BCL2L13: variants seen among roughly 807,000 people sequenced by gnomAD.
BCL2L13 encodes BCL2 like 13, also known as bcl-2-like protein 13.
Under a neutral mutation model 25.8 loss-of-function variants are expected in BCL2L13, and 13 were observed. That is an observed-to-expected ratio of 0.50 (90% CI 0.33 to 0.80). The LOEUF (loss-of-function observed/expected upper bound fraction) is 0.80. Among genes scored for constraint, BCL2L13 ranks in the 30% least tolerant of loss-of-function variants. The probability of loss-of-function intolerance (pLI) is 0.02; values close to 1 mark genes in which losing one functional copy is unlikely to be tolerated. For synonymous variants in BCL2L13, 244 were observed against 230.3 expected (o/e 1.06, Z -0.54); for missense variants, 504 against 574.9 (o/e 0.88, Z 1.26).
intron 2 of BCL2L13, among the ~76,000 whole-genome samples, chr22:17,678,882 T>C (rs1438251499): frequency 6.6e-6 from 1 of 152,222 alleles, no homozygotes; most frequent in East Asian, 1.9e-4. Flanking sequence ...CAGTTCATGC[T>C]GCTTTTTGTT....
intron 5 of BCL2L13, among the ~76,000 whole-genome samples, chr22:17,698,444 A>G (rs1444201809): frequency 1.3e-5 from 2 of 150,176 alleles, no homozygotes; most frequent in Non-Finnish European, 1.5e-5. Context: ...GGCTGGATGC[A>G]GTACAGTAGC....
rs541984743 is a variant in BCL2L13 at position 17,642,169 on chromosome 22, C to T, written c.-51+3283C>T. Among the ~76,000 whole-genome samples the T allele has an allele frequency of 4.0e-5, 5 of 126,030 alleles. No individual in the cohort carries two copies. The East Asian group carries it at 9.9e-4, about 25-fold the overall frequency. 82.7% of individuals were successfully genotyped at this position (126,030 alleles called of 152,430 possible). On this transcript the variant is annotated intron_variant, in intron 1 of 6. Coordinates refer to ENST00000317582, the MANE Select transcript of BCL2L13 (RefSeq NM_015367.4). ...TTTTTTTGAGACGGAGTCTCACTGT[C>T]GCCAGGCTGGAGTGCAGTGGCATGA...
chr22:17,643,181 G>A (rs528605470), intron 1 of BCL2L13, among the ~76,000 whole-genome samples: 1 of 152,238 alleles, frequency 6.6e-6, no homozygotes, highest in Admixed American at 6.5e-5. Context: ...TTGGAAAGGG[G>A]GTAGTGTCTA....
rs1478665965 is a variant in BCL2L13 at position 17,728,697 on chromosome 22, C to G, written c.*1163C>G. Reference sequence around the variant, plus strand: ...GAAATAGAGAGTGTCCTAAATATCACTGAAATAAAAAGTAGGAAAAAGAAG... The same window carrying G: ...GAAATAGAGAGTGTCCTAAATATCAGTGAAATAAAAAGTAGGAAAAAGAAG... On this transcript the variant is annotated 3_prime_UTR_variant, in exon 7 of 7. Transcript: ENST00000317582. 2.0e-5 allele frequency: 3 copies of G among 152,176 alleles called. No individual in the cohort carries two copies. Among genetic ancestry groups the G allele is most frequent in the Admixed American group, 2.0e-4 (3 of 15,284 alleles). 9.4% of individuals were successfully genotyped at this position (152,176 alleles called of 1,614,324 possible).
At chr22:17,695,253 T>C (rs1188886027) in intron 4 of BCL2L13, among the ~76,000 whole-genome samples, 9 of 152,214 alleles carry the variant, frequency 5.9e-5, no homozygotes, top group Admixed American at 3.3e-4. Flanking sequence ...CTGGAAAATA[T>C]ACTTTCCTGG....
At chr22:17,689,622 A>C (rs759036039) in intron 4 of BCL2L13, among the ~76,000 whole-genome samples, 2 of 152,072 alleles carry the variant, frequency 1.3e-5, no homozygotes, top group African/African-American at 2.4e-5. Flanking sequence ...AGGTGGGCGG[A>C]TTATGAGGTC....
chr22:17,631,668 G>GTATATATATATATA (rs869084263), intron 1 of BCL2L13, among the ~76,000 whole-genome samples: 2 of 21,864 alleles, frequency 9.1e-5, no homozygotes, highest in African/African-American at 2.8e-4. Flanking sequence ...ATGTGTGTGT[G>GTATATATATATATA]TGTATATATA....
intron 2 of BCL2L13, among the ~76,000 whole-genome samples, chr22:17,667,141 G>T (rs142502004): frequency 2.0e-5 from 3 of 151,970 alleles, no homozygotes; most frequent in African/African-American, 7.2e-5. Flanking sequence ...CTTTTTTTGG[G>T]TATATACCTA....
intron 4 of BCL2L13, among the ~76,000 whole-genome samples, chr22:17,694,015 C>T (rs543796758): frequency 9.2e-5 from 14 of 152,214 alleles, no homozygotes; most frequent in Admixed American, 9.2e-4. Flanking sequence ...GCCTTGGCCT[C>T]CCAAAGTGTT....
Position 17,696,449 on chromosome 22 carries a change from C to G in BCL2L13, c.456+239C>G, listed in dbSNP as rs12159723. ...TTCCTTTCTGTCCCAATTTTCCCAT[C>G]ATTTCTTCATTTCTCTGTGTTAGAC... On this transcript the variant is annotated intron_variant, in intron 5 of 6. Transcript: ENST00000317582. Among the ~76,000 whole-genome samples, 209 of 152,266 alleles carry G rather than the reference C, an allele frequency of 1.4e-3. 1 individual carries two copies. The highest frequency in any genetic ancestry group is 4.5e-3 in the African/African-American group (185 of 41,546).
At chr22:17,633,313 T>C (rs2058058902) in intron 1 of BCL2L13, among the ~76,000 whole-genome samples, 1 of 152,174 alleles carries the variant, frequency 6.6e-6, no homozygotes, top group South Asian at 2.1e-4. Context: ...CCAGGTCCTG[T>C]CTGAAAAGAA....
At chr22:17,673,598 C>T (rs994292446) in intron 2 of BCL2L13, among the ~76,000 whole-genome samples, 19 of 149,992 alleles carry the variant, frequency 1.3e-4, no homozygotes, top group African/African-American at 4.4e-4. Context: ...AGACTGGTCT[C>T]GATCTCCTGA....
intron 6 of BCL2L13, among the ~76,000 whole-genome samples, chr22:17,722,404 T>TGTGTGTGTGTGCGTGC (rs1229910235): frequency 6.6e-6 from 1 of 151,534 alleles, no homozygotes; most frequent in African/African-American, 2.4e-5. Context: ...TGTGTGTGTG[T>TGTGTGTGTGTGCGTGC]GTGTGTGTGT....
At chr22:17,714,846 G>A (rs767955926) in intron 6 of BCL2L13, among the ~76,000 whole-genome samples, 1 of 151,778 alleles carries the variant, frequency 6.6e-6, no homozygotes, top group East Asian at 1.9e-4. Flanking sequence ...TATGGTACAC[G>A]TTATGTTGCA....
At chr22:17,645,388 A>G (rs1445900927) in intron 1 of BCL2L13, among the ~76,000 whole-genome samples, 1 of 149,604 alleles carries the variant, frequency 6.7e-6, no homozygotes, top group Non-Finnish European at 1.5e-5. Context: ...CGCCTGGCTA[A>G]TTTTTTTATT....
intron 2 of BCL2L13, among the ~76,000 whole-genome samples, chr22:17,658,351 G>A (rs1487113566): frequency 1.3e-5 from 2 of 152,044 alleles, no homozygotes; most frequent in East Asian, 1.9e-4. Flanking sequence ...GGTAATGGTC[G>A]TTTTCTTAGA....
intron 2 of BCL2L13, among the ~76,000 whole-genome samples, chr22:17,682,262 C>T (rs1019787625): frequency 3.0e-4 from 46 of 152,140 alleles, no homozygotes; most frequent in African/African-American, 1.0e-3. Flanking sequence ...GTGATTGGTA[C>T]AAAGAAATCG....
intron 4 of BCL2L13, among the ~76,000 whole-genome samples, chr22:17,693,068 A>G (rs1568981128): frequency 6.6e-6 from 1 of 152,124 alleles, no homozygotes; most frequent in Non-Finnish European, 1.5e-5. Flanking sequence ...GAGTAGTATA[A>G]TGGCCTTTGA....
chr22:17,629,189 C>CCCCG (rs1412651931), intron 1 of BCL2L13, among the ~76,000 whole-genome samples: 24 of 151,810 alleles, frequency 1.6e-4, no homozygotes, highest in Non-Finnish European at 1.5e-5. Flanking sequence ...CATAGAGGAA[C>CCCCG]CCCGTCTCTA....
Sources: allele counts gnomAD v4.1 joint callset (sites outside exome capture counted in the v4.1 genomes callset), GRCh38; gene constraint gnomAD v4.1.1; transcripts MANE v1.5; gene names NCBI Gene and HGNC (gene_info 2026-07-23, HGNC 2026-07-21).